Variants in TBC1D5 observed in about 807,000 individuals in gnomAD.
TBC1D5 encodes TBC1 domain family member 5, also known as TBC1 domain family, member 5.
In TBC1D5, 75 loss-of-function variants were observed where a neutral mutation model predicts 100.3. The ratio of observed to expected loss-of-function variants is 0.75; its 90% CI spans 0.62 to 0.91. TBC1D5 has a LOEUF of 0.91. TBC1D5 is among the 40% of genes least tolerant of loss of function. The pLI, the probability that TBC1D5 is intolerant of heterozygous loss-of-function variation, is 0.00. For synonymous variants in TBC1D5, 323 were observed against 325.6 expected, an observed-to-expected ratio of 0.99 and a Z score of 0.09; for missense variants, 910 against 942.4, an observed-to-expected ratio of 0.97 and a Z score of 0.45.
intron 3 of TBC1D5, among the ~76,000 whole-genome samples, chr3:17,469,893 A>G (rs1177106582): frequency 6.6e-6 from 1 of 152,266 alleles, no homozygotes; most frequent in East Asian, 1.9e-4. Context: ...CTTACTGTAC[A>G]GGAAAAGCAG....
rs377200827 is a variant in TBC1D5 at position 17,729,622 on chromosome 3, G to A, written c.-101+9721C>T. On this transcript the variant is annotated intron_variant, in intron 1 of 21. Coordinates refer to ENST00000253692, the Ensembl canonical transcript of TBC1D5. ...CTCAGGAGGCTGACGCAGGAGAATC[G>A]CTTGAACCTGGGAGGCAGAGGTTGC... is the stretch of plus-strand genomic sequence containing the variant. Among the ~76,000 whole-genome samples, 154 of 152,162 alleles carry A rather than the reference G, an allele frequency of 1.0e-3. 2 individuals carry two copies. The South Asian group carries it at 0.018, about 18-fold the overall frequency.
chr3:17,665,785 G>GATTTTA (rs1478863074), intron 1 of TBC1D5, among the ~76,000 whole-genome samples: 16 of 152,258 alleles, frequency 1.1e-4, no homozygotes, highest in African/African-American at 3.9e-4. Flanking sequence ...AAATCTTTTT[G>GATTTTA]AATCTGATTG....
At chr3:17,433,184 AGAT>A (rs1253681505) in intron 3 of TBC1D5, among the ~76,000 whole-genome samples, 1 of 152,204 alleles carries the variant, frequency 6.6e-6, no homozygotes, top group Non-Finnish European at 1.5e-5. Context: ...GCCACCTGAA[AGAT>A]GACACAAGGT....
chr3:17,610,867 A>C (rs893771784), intron 2 of TBC1D5, among the ~76,000 whole-genome samples: 11 of 152,130 alleles, frequency 7.2e-5, no homozygotes, highest in African/African-American at 2.7e-4. Flanking sequence ...AAATACAAAA[A>C]TTAGCTGGGC....
Position 17,561,363 on chromosome 3 carries a change from T to C in TBC1D5, c.-35-52758A>G, listed in dbSNP as rs372131345. 2.0e-4 allele frequency among the ~76,000 whole-genome samples: 31 copies of C among 152,210 alleles called. No individual in the cohort carries two copies. In the East Asian group the frequency reaches 5.0e-3, roughly 25 times the overall value. Reference sequence around the variant, plus strand: ...AGCTCTAGTAAGAGCAAAAAAATCATAGATTAACACTCTGCTAAATGTAAA... The same window carrying C: ...AGCTCTAGTAAGAGCAAAAAAATCACAGATTAACACTCTGCTAAATGTAAA... On this transcript the variant is annotated intron_variant, in intron 2 of 21. Coordinates refer to ENST00000253692, the Ensembl canonical transcript of TBC1D5.
chr3:17,735,884 C>G (rs1355675031), intron 1 of TBC1D5, among the ~76,000 whole-genome samples: 1 of 152,158 alleles, frequency 6.6e-6, no homozygotes, highest in African/African-American at 2.4e-5. Flanking sequence ...GAAGAGTGTG[C>G]AGTGGCAAGA....
intron 1 of TBC1D5, among the ~76,000 whole-genome samples, chr3:17,664,387 G>A (rs561922673): frequency 1.3e-5 from 2 of 152,220 alleles, no homozygotes; most frequent in South Asian, 4.1e-4. Flanking sequence ...GATTTTTAGA[G>A]ATACCTAATA....
intron 2 of TBC1D5, among the ~76,000 whole-genome samples, chr3:17,590,635 T>C (rs960968930): frequency 6.6e-6 from 1 of 152,150 alleles, no homozygotes; most frequent in Non-Finnish European, 1.5e-5. Flanking sequence ...ACAAGTCAGA[T>C]CTAACAGTGG....
chr3:17,368,919 T>A (rs17200818), intron 13 of TBC1D5, among the ~76,000 whole-genome samples: 76,263 of 151,910 alleles, frequency 0.5, 20,911 homozygotes, highest in African/African-American at 0.7. Context: ...CAAACCACTG[T>A]CTATATTTTC....
chr3:17,257,475 C>A (rs2077820482), intron 16 of TBC1D5, among the ~76,000 whole-genome samples: 1 of 152,060 alleles, frequency 6.6e-6, no homozygotes, highest in Non-Finnish European at 1.5e-5. Flanking sequence ...ATGAAATGAA[C>A]AAACAGAAAA....
exon 3 of TBC1D5, chr3:17,508,521 T>G (rs2095867688): frequency 6.2e-7 from 1 of 1,613,666 alleles, no homozygotes; most frequent in African/African-American, 1.3e-5. Context: ...GCCTACTTCT[T>G]GTTCTTCTGG....
At chr3:17,308,040 A>C in exon 14 of TBC1D5, 2 of 1,610,820 alleles carry the variant, frequency 1.2e-6, no homozygotes, top group Admixed American at 1.7e-5. Context: ...TAATCTACTA[A>C]ACCCAGGCTG....
intron 1 of TBC1D5, among the ~76,000 whole-genome samples, chr3:17,646,135 G>A (rs2064993899): frequency 6.6e-6 from 1 of 151,774 alleles, no homozygotes; most frequent in Non-Finnish European, 1.5e-5. Context: ...AAATTTGGAT[G>A]CAGACAGACA....
intron 18 of TBC1D5, among the ~76,000 whole-genome samples, chr3:17,205,770 G>C (rs911597499): frequency 6.6e-6 from 1 of 152,132 alleles, no homozygotes; most frequent in African/African-American, 2.4e-5. Flanking sequence ...GAAGGGCTGT[G>C]CATGCACGTG....
At chr3:17,449,416 C>T (rs1308404156) in intron 3 of TBC1D5, among the ~76,000 whole-genome samples, 1 of 152,142 alleles carries the variant, frequency 6.6e-6, no homozygotes, top group Non-Finnish European at 1.5e-5. Flanking sequence ...GGTGCTGAAG[C>T]CAGGGAGCCA....
At chr3:17,247,066 C>T (rs2076797397) in intron 16 of TBC1D5, among the ~76,000 whole-genome samples, 1 of 152,164 alleles carries the variant, frequency 6.6e-6, no homozygotes, top group Admixed American at 6.5e-5. Context: ...CCTCTCTGGG[C>T]AGGAATTGGA....
At chr3:17,414,101 G>A (rs1272464787) in intron 4 of TBC1D5, among the ~76,000 whole-genome samples, 2 of 152,144 alleles carry the variant, frequency 1.3e-5, no homozygotes, top group South Asian at 2.1e-4. Flanking sequence ...AGATGATCAT[G>A]GAGTTTACAA....
Position 17,710,335 on chromosome 3 carries a change from T to C in TBC1D5, c.-101+29008A>G, listed in dbSNP as rs573916960. ...ATCCCATCATTTTGGTTGGCGGAGG[T>C]GGGTGGTTCACTTGAGGTCAGGAGT... On this transcript the variant is annotated intron_variant, in intron 1 of 21. Coordinates refer to ENST00000253692, the Ensembl canonical transcript of TBC1D5. Among the ~76,000 whole-genome samples, 4 of 152,032 alleles carry C rather than the reference T, an allele frequency of 2.6e-5. 1 individual carries two copies. The South Asian group carries it at 8.3e-4, about 32-fold the overall frequency.
At chr3:17,421,880 T>A (rs1242187028) in intron 4 of TBC1D5, among the ~76,000 whole-genome samples, 1 of 152,140 alleles carries the variant, frequency 6.6e-6, no homozygotes, top group Non-Finnish European at 1.5e-5. Context: ...CATCTTAACA[T>A]TATATAGATC....
Sources: allele counts gnomAD v4.1 joint callset (sites outside exome capture counted in the v4.1 genomes callset), GRCh38; gene constraint gnomAD v4.1.1; transcripts MANE v1.5; gene names NCBI Gene and HGNC (gene_info 2026-07-23, HGNC 2026-07-21).